Variants in OPRM1 observed in about 807,000 individuals in gnomAD.
The protein encoded by OPRM1 is mu-type opioid receptor.
A neutral mutation model predicts 31.8 loss-of-function variants in OPRM1; 27 were observed. The ratio of observed to expected loss-of-function variants is 0.85; its 90% CI spans 0.63 to 1.17. OPRM1 has a LOEUF of 1.17. Ranked by LOEUF, OPRM1 falls within the 50% of genes most tolerant of loss-of-function variation. OPRM1 has a pLI of 0.00. For synonymous variants in OPRM1, 196 were observed against 189.9 expected, an observed-to-expected ratio of 1.03 and a Z score of -0.26; for missense variants, 536 against 511.1, an observed-to-expected ratio of 1.05 and a Z score of -0.47.
intron 1 of OPRM1, among the ~76,000 whole-genome samples, chr6:154,019,569 A>G (rs969055916): frequency 2.6e-5 from 4 of 151,366 alleles, no homozygotes; most frequent in Admixed American, 6.6e-5. Flanking sequence ...CCTCCCTCCA[A>G]TCTCTCACAA....
At chr6:154,114,639 G>A (rs76230214) in intron 3 of OPRM1, among the ~76,000 whole-genome samples, 2,342 of 152,190 alleles carry the variant, frequency 0.015, 28 homozygotes, top group Non-Finnish European at 0.023. Context: ...TGGCACACCA[G>A]GTGCTATCAC....
At chr6:154,118,460 T>A (rs1470903467) in intron 3 of OPRM1, among the ~76,000 whole-genome samples, 1 of 152,212 alleles carries the variant, frequency 6.6e-6, no homozygotes, top group Non-Finnish European at 1.5e-5. Context: ...TTCTTTTCAG[T>A]AGCATACACA....
chr6:154,106,114 T>C (rs981191968), intron 3 of OPRM1, among the ~76,000 whole-genome samples: 2 of 152,028 alleles, frequency 1.3e-5, no homozygotes, highest in African/African-American at 4.8e-5. Context: ...ACAGCTTGTT[T>C]AAATCTTTAG....
At chr6:154,152,381 A>AAAG (rs1798557623) in intron 3 of OPRM1, among the ~76,000 whole-genome samples, 5 of 150,788 alleles carry the variant, frequency 3.3e-5, no homozygotes, top group Admixed American at 3.3e-4. Flanking sequence ...AGAAAGAAAG[A>AAAG]AAGAAAGAAA....
At chr6:154,175,573 A>C (rs1042794267) in intron 3 of OPRM1, among the ~76,000 whole-genome samples, 1 of 152,214 alleles carries the variant, frequency 6.6e-6, no homozygotes, top group African/African-American at 2.4e-5. Context: ...AAAATCTAGA[A>C]GAAACTGAGA....
rs190072010 is a variant in OPRM1, at chr6:154,020,460, A to T, written c.-1+9442A>T. Reference sequence around the variant, plus strand: ...TAAAGTCCCCAAAATCCCAATCCTGATAGACCAAAATCACAATATAATTCT... The same window carrying T: ...TAAAGTCCCCAAAATCCCAATCCTGTTAGACCAAAATCACAATATAATTCT... On this transcript the variant is annotated intron_variant, in intron 1 of 5. Transcript: ENST00000434900. 1.2e-4 allele frequency among the ~76,000 whole-genome samples: 18 copies of T among 152,324 alleles called. No homozygotes were observed. The East Asian group carries it at 3.3e-3, about 28-fold the overall frequency.
At chr6:154,033,183 A>G (rs1471329) in intron 1 of OPRM1, among the ~76,000 whole-genome samples, 4,385 of 152,242 alleles carry the variant, frequency 0.029, 199 homozygotes, top group African/African-American at 0.1. Flanking sequence ...TTATGGAAGA[A>G]AGAGATAAGA....
In OPRM1 at chr6:154,120,614, A is replaced by G. The variant is rs1019703079; in HGVS notation, c.*1893A>G. On this transcript the variant is annotated 3_prime_UTR_variant, in exon 4 of 4. Transcript: ENST00000330432. ...ATACACTACTAGAGCTTCCAAAAGT[A>G]AAATGGATAATTCAAACAGAACACA... Among the ~76,000 whole-genome samples the G allele has an allele frequency of 3.3e-5, 5 of 152,224 alleles. No homozygotes were observed. The highest frequency in any genetic ancestry group is 5.9e-5 in the Non-Finnish European group (4 of 68,036).
intron 3 of OPRM1, chr6:154,214,431 C>A (rs1047492654): frequency 1.5e-6 from 1 of 658,886 alleles, no homozygotes; most frequent in Admixed American, 2.5e-5. Context: ...AAACCTAAGG[C>A]CTCTGGTTTC....
intron 3 of OPRM1, among the ~76,000 whole-genome samples, chr6:154,140,530 A>T (rs1360729329): frequency 6.6e-6 from 1 of 152,038 alleles, no homozygotes; most frequent in Admixed American, 6.5e-5. Flanking sequence ...GGGTTTCGCC[A>T]TGTTGGCCAG....
In OPRM1 at chr6:154,124,646, G is replaced by A. The variant is rs1196639166; in HGVS notation, c.*5925G>A. On this transcript the variant is annotated 3_prime_UTR_variant, in exon 4 of 4. Coordinates refer to ENST00000330432, the MANE Select transcript of OPRM1 (RefSeq NM_000914.5). Reference sequence around the variant, plus strand: ...GCATCAAAAAGTACTTCATATGCTCGAAACTAAAGTAAAACTTTATTGAAA... The same window carrying A: ...GCATCAAAAAGTACTTCATATGCTCAAAACTAAAGTAAAACTTTATTGAAA... Among the ~76,000 whole-genome samples the A allele has an allele frequency of 2.0e-5, 3 of 152,094 alleles. No individual in the cohort carries two copies. Among genetic ancestry groups the A allele is most frequent in the African/African-American group, 7.2e-5 (3 of 41,396 alleles).
chr6:154,039,014 A>T (rs567005674), upstream of OPRM1: 5 of 923,786 alleles, frequency 5.4e-6, no homozygotes, highest in East Asian at 8.2e-5. Context: ...TTAGGGTTTC[A>T]TCAAGCCAAT....
At chr6:154,140,771 C>T (rs986550223) in intron 3 of OPRM1, among the ~76,000 whole-genome samples, 4 of 152,162 alleles carry the variant, frequency 2.6e-5, no homozygotes, top group Non-Finnish European at 4.4e-5. Context: ...ACCCTATTGA[C>T]GGCCTGGCAG....
chr6:154,242,089 T>C (rs536523282), intron 3 of OPRM1, among the ~76,000 whole-genome samples: 1 of 152,376 alleles, frequency 6.6e-6, no homozygotes, highest in Non-Finnish European at 1.5e-5. Context: ...TCGGCTATTA[T>C]GAGAATTCAA....
chr6:154,199,845 C>T (rs1298381803), intron 3 of OPRM1: 3 of 1,614,068 alleles, frequency 1.9e-6, no homozygotes, highest in Admixed American at 1.7e-5. Context: ...GGTGAATGAA[C>T]TTGCACAGCA....
chr6:154,076,628 T>A (rs1787938126), intron 1 of OPRM1, among the ~76,000 whole-genome samples: 1 of 152,116 alleles, frequency 6.6e-6, no homozygotes, highest in Non-Finnish European at 1.5e-5. Context: ...CCACCACCTT[T>A]CAGACCAGCA....
In OPRM1 at chr6:154,098,441, G is replaced by A. The variant is rs187113648; in HGVS notation, c.1164+6969G>A. ...GTAAAAATACTCTCACTGAGATTTA[G>A]TGTTTTGGAACATGTCAATCTTTAT... On this transcript the variant is annotated intron_variant, in intron 3 of 3. Coordinates refer to ENST00000330432, the MANE Select transcript of OPRM1 (RefSeq NM_000914.5). Among the ~76,000 whole-genome samples, 79 of 152,268 alleles carry A rather than the reference G, an allele frequency of 5.2e-4. 1 individual carries two copies. Among genetic ancestry groups the A allele is most frequent in the African/African-American group, 1.7e-3 (71 of 41,554 alleles).
At chr6:154,191,712 A>AAC (rs1562532434) in intron 3 of OPRM1, among the ~76,000 whole-genome samples, 1 of 150,128 alleles carries the variant, frequency 6.7e-6, no homozygotes, top group Non-Finnish European at 1.5e-5. Context: ...ACAACAACAA[A>AAC]GAGTGAACCC....
Position 154,010,973 on chromosome 6 carries a change from C to T in OPRM1, c.-46C>T, listed in dbSNP as rs1240827300. On this transcript the variant is annotated 5_prime_UTR_variant, in exon 1 of 6. Transcript: ENST00000434900. Reference sequence around the variant, plus strand: ...ACTCTGATATCCTCTCACACTGTGGCAGGAGAAGCAGCACAAGGCACAATG... The same window carrying T: ...ACTCTGATATCCTCTCACACTGTGGTAGGAGAAGCAGCACAAGGCACAATG... The T allele has an allele frequency of 3.9e-6, 5 of 1,293,474 alleles. No individual in the cohort carries two copies. The African/African-American group carries it at 7.6e-5, about 20-fold the overall frequency. 80.1% of individuals were successfully genotyped at this position (1,293,474 alleles called of 1,614,324 possible).
Sources: allele counts gnomAD v4.1 joint callset (sites outside exome capture counted in the v4.1 genomes callset), GRCh38; gene constraint gnomAD v4.1.1; transcripts MANE v1.5; gene names NCBI Gene and HGNC (gene_info 2026-07-23, HGNC 2026-07-21).